WWOX: variants seen among roughly 807,000 people sequenced by gnomAD.
WWOX encodes WW domain containing oxidoreductase, also known as WW domain-containing oxidoreductase.
Under a neutral mutation model 46.2 loss-of-function variants are expected in WWOX, and 69 were observed. That is an observed-to-expected ratio of 1.49 (90% CI 1.23 to 1.82). The LOEUF is 1.82. WWOX is among the 40% of genes most tolerant of loss of function. The pLI, the probability that WWOX is intolerant of heterozygous loss-of-function variation, is 0.00. For missense variants in WWOX, 919 were observed against 542.6 expected (o/e 1.69, Z -6.89); for synonymous variants, 359 against 202.6 (o/e 1.77, Z -6.56).
chr16:78,561,611 G>A (rs1243854580), intron 8 of WWOX, among the ~76,000 whole-genome samples: 1 of 151,660 alleles, frequency 6.6e-6, no homozygotes, highest in African/African-American at 2.4e-5. Context: ...AAAAAAAAAA[G>A]AGACCTGATA....
At chr16:79,066,907 A>G (rs2048451977) in intron 8 of WWOX, among the ~76,000 whole-genome samples, 1 of 152,196 alleles carries the variant, frequency 6.6e-6, no homozygotes, top group Non-Finnish European at 1.5e-5. Flanking sequence ...GGTAGCTACC[A>G]TTGCAGTCGA....
At chr16:78,561,375 G>A (rs1442729669) in intron 8 of WWOX, among the ~76,000 whole-genome samples, 2 of 152,136 alleles carry the variant, frequency 1.3e-5, no homozygotes, top group African/African-American at 4.8e-5. Context: ...TGATTTTGAT[G>A]TCTAGGTCTG....
At chr16:79,021,640 C>T (rs888708416) in intron 8 of WWOX, among the ~76,000 whole-genome samples, 3 of 152,206 alleles carry the variant, frequency 2.0e-5, no homozygotes, top group East Asian at 1.9e-4. Context: ...TCTGTGATTT[C>T]GATTGCGACA....
At chr16:78,756,255 G>T (rs890793698) in intron 8 of WWOX, among the ~76,000 whole-genome samples, 1 of 152,108 alleles carries the variant, frequency 6.6e-6, no homozygotes, top group Non-Finnish European at 1.5e-5. Flanking sequence ...GGCAGAAGTA[G>T]ATGTCATGTT....
At chr16:78,895,273 G>A (rs1329601755) in intron 8 of WWOX, 3 of 152,152 alleles carry the variant, frequency 2.0e-5, no homozygotes, top group Admixed American at 6.5e-5. Context: ...CTTTTCTGTG[G>A]GTTTCTTTTC....
intron 1 of WWOX, among the ~76,000 whole-genome samples, chr16:78,103,162 C>T (rs2031909837): frequency 6.6e-6 from 1 of 151,998 alleles, no homozygotes; most frequent in Admixed American, 6.5e-5. Flanking sequence ...GACTCGGGTG[C>T]ATACATGGTT....
At chr16:79,091,007 C>T (rs960955941) in intron 8 of WWOX, among the ~76,000 whole-genome samples, 1 of 152,104 alleles carries the variant, frequency 6.6e-6, no homozygotes, top group African/African-American at 2.4e-5. Flanking sequence ...AGCCTGGTCT[C>T]AACCTCCTGA....
intron 7 of WWOX, among the ~76,000 whole-genome samples, chr16:78,426,005 A>G (rs987813740): frequency 3.3e-5 from 5 of 152,044 alleles, no homozygotes; most frequent in East Asian, 1.9e-4. Context: ...GTTAGCTTGA[A>G]CCCTTTATCA....
intron 4 of WWOX, among the ~76,000 whole-genome samples, chr16:78,116,420 C>A (rs556512541): frequency 2.0e-5 from 3 of 152,238 alleles, no homozygotes; most frequent in African/African-American, 7.2e-5. Context: ...TACCAGGTTG[C>A]CATCCGAGTG....
intron 8 of WWOX, among the ~76,000 whole-genome samples, chr16:78,938,084 G>C (rs2045778921): frequency 6.6e-6 from 1 of 152,206 alleles, no homozygotes; most frequent in South Asian, 2.1e-4. Context: ...GCAGGGCTAA[G>C]ATCACCACTC....
intron 8 of WWOX, among the ~76,000 whole-genome samples, chr16:78,588,184 G>A (rs559142372): frequency 6.6e-6 from 1 of 152,148 alleles, no homozygotes; most frequent in Non-Finnish European, 1.5e-5. Context: ...CCCCTGGGTG[G>A]CTCCATTGCT....
At chr16:78,472,053 A>C (rs1020315092) in intron 8 of WWOX, among the ~76,000 whole-genome samples, 11 of 152,160 alleles carry the variant, frequency 7.2e-5, no homozygotes, top group African/African-American at 2.7e-4. Context: ...TATGATGCCA[A>C]TTTGCCCACA....
intron 8 of WWOX, among the ~76,000 whole-genome samples, chr16:78,739,254 TG>T (rs2049160312): frequency 6.6e-6 from 1 of 152,130 alleles, no homozygotes; most frequent in Non-Finnish European, 1.5e-5. Context: ...ATGTTGTTTG[TG>T]GTTCATGGAA....
intron 8 of WWOX, chr16:78,551,701 C>T (rs1567589): frequency 0.071 from 10,703 of 149,896 alleles, 492 homozygotes; most frequent in East Asian, 0.11. Flanking sequence ...GGCTGAGGAG[C>T]GCTTAACACC....
At chr16:78,185,245 A>T (rs537813661) in intron 5 of WWOX, among the ~76,000 whole-genome samples, 1 of 152,280 alleles carries the variant, frequency 6.6e-6, no homozygotes, top group South Asian at 2.1e-4. Flanking sequence ...CGGTCATGTC[A>T]AGCCTTTTTG....
chr16:79,147,759 T>G (rs762833845), intron 8 of WWOX, among the ~76,000 whole-genome samples: 1 of 152,236 alleles, frequency 6.6e-6, no homozygotes, highest in Admixed American at 6.5e-5. Flanking sequence ...TGTTGCAGTT[T>G]TTTATTTTAG....
At chr16:78,968,133 C>CCG (rs2046399179) in intron 8 of WWOX, among the ~76,000 whole-genome samples, 1 of 7,360 alleles carries the variant, frequency 1.4e-4, no homozygotes, top group African/African-American at 2.8e-4. Context: ...AGCGCGTGGT[C>CCG]CGTGTGGCAC....
At chr16:78,465,192 G>A (rs1177499731) in intron 8 of WWOX, among the ~76,000 whole-genome samples, 1 of 152,182 alleles carries the variant, frequency 6.6e-6, no homozygotes, top group African/African-American at 2.4e-5. Flanking sequence ...AGATTTGGGT[G>A]GGGACACAGA....
At chr16:78,115,754 C>A (rs1013410782) in intron 4 of WWOX, among the ~76,000 whole-genome samples, 1 of 152,112 alleles carries the variant, frequency 6.6e-6, no homozygotes, top group African/African-American at 2.4e-5. Context: ...AGGAGCAAGG[C>A]GGGAGCAAAC....
Sources: gnomAD v4.1 joint callset for allele counts (sites outside exome capture counted in the v4.1 genomes callset) on GRCh38, gnomAD v4.1.1 for gene constraint, MANE v1.5 for transcripts, NCBI Gene and HGNC (gene_info 2026-07-23, HGNC 2026-07-21) for gene names.